Variants in SEMA3D observed in about 807,000 individuals in gnomAD.
The protein encoded by SEMA3D is semaphorin-3D.
Under a neutral mutation model 100.1 loss-of-function variants are expected in SEMA3D, and 84 were observed. That is an observed-to-expected ratio of 0.84 (90% CI 0.70 to 1.01). SEMA3D has a LOEUF of 1.01. Among genes scored for constraint, SEMA3D ranks in the 50% least tolerant of loss-of-function variants. SEMA3D has a pLI of 0.00. For missense variants in SEMA3D, 875 were observed against 934.1 expected, an observed-to-expected ratio of 0.94 and a Z score of 0.82; for synonymous variants, 312 against 320.7, an observed-to-expected ratio of 0.97 and a Z score of 0.29.
intron 2 of SEMA3D, chr7:85,151,584 T>A: frequency 1.1e-6 from 1 of 917,802 alleles, no homozygotes; most frequent in Non-Finnish European, 1.3e-6. Flanking sequence ...GATGTGTGTA[T>A]GCATGTGTGT....
intron 18 of SEMA3D, among the ~76,000 whole-genome samples, chr7:85,004,192 G>C (rs1376869628): frequency 2.6e-5 from 4 of 151,834 alleles, no homozygotes; most frequent in Admixed American, 2.0e-4. Flanking sequence ...GTGCAATGGT[G>C]AGTGAAAAAA....
chr7:85,078,566 C>T (rs991462352), intron 5 of SEMA3D, among the ~76,000 whole-genome samples: 3 of 152,104 alleles, frequency 2.0e-5, no homozygotes, highest in Non-Finnish European at 4.4e-5. Context: ...TCTTTAGTTA[C>T]TTTCTTTTGA....
At chr7:85,103,672 C>T (rs1217332714) in intron 3 of SEMA3D, among the ~76,000 whole-genome samples, 1 of 152,022 alleles carries the variant, frequency 6.6e-6, no homozygotes, top group Non-Finnish European at 1.5e-5. Flanking sequence ...TCTCCTATTA[C>T]CTTGTTCCCA....
intron 8 of SEMA3D, among the ~76,000 whole-genome samples, chr7:85,061,815 G>T (rs1418683892): frequency 1.3e-5 from 2 of 152,140 alleles, no homozygotes; most frequent in Non-Finnish European, 2.9e-5. Flanking sequence ...TGCTCTTCTA[G>T]CTCTGGCCTG....
At position 85,098,005 on chromosome 7, in the gene SEMA3D, A is replaced by T. The variant is rs771687740; in HGVS notation, c.152-40T>A. The T allele has an allele frequency of 1.1e-5, 12 of 1,105,384 alleles. No homozygotes were observed. In the African/African-American group the frequency reaches 1.6e-4, roughly 15 times the overall value. The allele number at this position is 1,105,384 out of a possible 1,614,324, so 68.5% of individuals were successfully genotyped here. A position where few individuals can be genotyped will look rare whatever the true frequency, so the allele number is the denominator to read the frequency against. On this transcript the variant is annotated intron_variant, in intron 3 of 18. Coordinates refer to ENST00000284136, the MANE Select transcript of SEMA3D (RefSeq NM_001384900.1). Reference sequence around the variant, plus strand: ...AAAAGAAAAGAAAGGAGAAAGAAAAAAGAAAGAAAGAAAGAGAAAGAAAGG... The same window carrying T: ...AAAAGAAAAGAAAGGAGAAAGAAAATAGAAAGAAAGAAAGAGAAAGAAAGG...
intron 4 of SEMA3D, among the ~76,000 whole-genome samples, chr7:85,086,383 A>G (rs146808302): frequency 1.2e-3 from 181 of 152,182 alleles, no homozygotes; most frequent in African/African-American, 4.1e-3. Context: ...GAATTTAAAG[A>G]GACAGAATTT....
chr7:85,155,093 G>A (rs1473594774), intron 1 of SEMA3D, among the ~76,000 whole-genome samples: 2 of 151,130 alleles, frequency 1.3e-5, no homozygotes, highest in Non-Finnish European at 2.9e-5. Flanking sequence ...CAGAAAAGTT[G>A]AAGTATACAG....
intron 9 of SEMA3D, among the ~76,000 whole-genome samples, chr7:85,043,533 C>A (rs182273417): frequency 1.3e-5 from 2 of 152,194 alleles, no homozygotes; most frequent in East Asian, 3.9e-4. Flanking sequence ...AATAATTCAG[C>A]ATAAAAATTT....
chr7:85,067,419 C>T (rs1031417987), intron 7 of SEMA3D, among the ~76,000 whole-genome samples: 1 of 152,148 alleles, frequency 6.6e-6, no homozygotes, highest in African/African-American at 2.4e-5. Context: ...TACACACATG[C>T]TGTCACTTCA....
At chr7:85,155,683 C>G (rs1430987000) in intron 1 of SEMA3D, among the ~76,000 whole-genome samples, 6 of 152,088 alleles carry the variant, frequency 3.9e-5, no homozygotes, top group African/African-American at 1.4e-4. Flanking sequence ...TACATATATT[C>G]ATGTTTTATT....
In SEMA3D at chr7:85,142,618, T is replaced by C; in HGVS notation, c.-41+10990A>G. ...GAAGAATAAAGGCTTTGGATATTTG[T>C]TTTATTTCAGAGAGTCCAGAAAGAG... On this transcript the variant is annotated intron_variant, in intron 2 of 18. Transcript: ENST00000284136. 3 of 984,442 alleles carry C rather than the reference T, an allele frequency of 3.0e-6. No homozygotes were observed. In the South Asian group the frequency reaches 1.4e-4, roughly 46 times the overall value. The allele number at this position is 984,442 out of a possible 1,614,324, so 61.0% of individuals were successfully genotyped here. A position where few individuals can be genotyped will look rare whatever the true frequency, so the allele number is the denominator to read the frequency against.
intron 12 of SEMA3D, among the ~76,000 whole-genome samples, chr7:85,034,436 G>A (rs539593430): frequency 1.3e-5 from 2 of 151,692 alleles, no homozygotes; most frequent in African/African-American, 4.8e-5. Flanking sequence ...GTGAAACCCC[G>A]TCTCTATTAA....
At chr7:85,199,230 C>A in the SEMA3D span, among the ~76,000 whole-genome samples, 10 of 152,014 alleles carry the variant, frequency 6.6e-5, no homozygotes, top group African/African-American at 2.4e-4. Context: ...ATGACTATTT[C>A]TTGTGCACTT....
intron 9 of SEMA3D, among the ~76,000 whole-genome samples, chr7:85,051,306 G>A (rs1386245315): frequency 6.6e-6 from 1 of 151,842 alleles, no homozygotes; most frequent in Non-Finnish European, 1.5e-5. Flanking sequence ...AGTCATTGAT[G>A]ATATCATTAC....
Position 85,015,091 on chromosome 7 carries a change from A to G in SEMA3D, c.1671T>C (p.Asn557=), listed in dbSNP as rs768967400. The change falls in exon 16 of 19, where the codon AAT becomes AAC. Residue 557 remains asparagine, a synonymous_variant. Transcript: ENST00000284136. ...ARDPYCAWDG[N]ACSRYAPTSK... ...AAGTAGGAGCATATCGAGAGCATGCATTTCCATCCCAGGCACAGTAGGGGT... is the reference window on the plus strand; with the variant it reads ...AAGTAGGAGCATATCGAGAGCATGCGTTTCCATCCCAGGCACAGTAGGGGT... 1.2e-6 allele frequency: 2 copies of G among 1,611,530 alleles called. No homozygotes were observed. Among genetic ancestry groups the G allele is most frequent in the South Asian group, 1.1e-5 (1 of 91,014 alleles).
chr7:85,087,053 CT>C (rs749492374), intron 4 of SEMA3D, among the ~76,000 whole-genome samples: 1 of 152,184 alleles, frequency 6.6e-6, no homozygotes, highest in Non-Finnish European at 1.5e-5. Context: ...CCACATAAAT[CT>C]TCTTACACTG....
chr7:85,059,829 G>A (rs567325813), intron 8 of SEMA3D, among the ~76,000 whole-genome samples: 7 of 152,236 alleles, frequency 4.6e-5, no homozygotes, highest in Admixed American at 3.3e-4. Context: ...TAAAAGAAGT[G>A]TAAAAGGGGT....
chr7:85,060,839 C>G (rs1791458774), intron 8 of SEMA3D, among the ~76,000 whole-genome samples: 1 of 152,108 alleles, frequency 6.6e-6, no homozygotes, highest in South Asian at 2.1e-4. Context: ...CCAAGAGAAA[C>G]TTCAAATGAA....
intron 9 of SEMA3D, among the ~76,000 whole-genome samples, chr7:85,042,706 T>G (rs1157555595): frequency 1.3e-5 from 2 of 152,152 alleles, no homozygotes; most frequent in African/African-American, 2.4e-5. Context: ...GAAGTCTTTC[T>G]ATGTTGTCCA....
Sources: gnomAD v4.1 joint callset for allele counts (sites outside exome capture counted in the v4.1 genomes callset) on GRCh38, gnomAD v4.1.1 for gene constraint, MANE v1.5 for transcripts, NCBI Gene and HGNC (gene_info 2026-07-23, HGNC 2026-07-21) for gene names.